AUH: variants seen among roughly 807,000 people sequenced by gnomAD.
AUH encodes methylglutaconyl-CoA hydratase, mitochondrial.
A neutral mutation model predicts 42.3 loss-of-function variants in AUH; 29 were observed. The observed-to-expected ratio is 0.69, with a 90% CI of 0.51 to 0.93. AUH has a LOEUF of 0.93. Among genes scored for constraint, AUH ranks in the 40% least tolerant of loss-of-function variants. The pLI, the probability that AUH is intolerant of heterozygous loss-of-function variation, is 0.00. For missense variants in AUH, 452 were observed against 438.1 expected (o/e 1.03, Z -0.28); for synonymous variants, 174 against 166.4 (o/e 1.05, Z -0.35).
chr9:91,236,839 G>A (rs1390885019), intron 6 of AUH, among the ~76,000 whole-genome samples: 2 of 152,096 alleles, frequency 1.3e-5, no homozygotes, highest in Non-Finnish European at 2.9e-5. Flanking sequence ...TTTGAATACT[G>A]AGAACCCATC....
chr9:91,355,866 A>G lies in AUH; in HGVS notation c.418+17T>C. The stretch of plus-strand genomic sequence containing the variant: ...TCAGACTACAGTTTAATTTCATAAT[A>G]CAACATATTTACATACCAGCACAGA... On this transcript the variant is annotated intron_variant, in intron 3 of 9. Transcript: ENST00000375731. 6.3e-7 allele frequency: 1 copy of G among 1,587,398 alleles called. No individual in the cohort carries two copies. Among genetic ancestry groups the G allele is most frequent in the Non-Finnish European group, 8.7e-7 (1 of 1,155,908 alleles).
At chr9:91,215,088 C>T (rs955323815) in intron 9 of AUH, among the ~76,000 whole-genome samples, 1 of 152,208 alleles carries the variant, frequency 6.6e-6, no homozygotes, top group Non-Finnish European at 1.5e-5. Flanking sequence ...CAGAGTCACA[C>T]TCTAGATACT....
intron 9 of AUH, among the ~76,000 whole-genome samples, chr9:91,215,406 T>C (rs1793188699): frequency 6.6e-6 from 1 of 152,120 alleles, no homozygotes; most frequent in Admixed American, 6.5e-5. Flanking sequence ...CTTTAAATCA[T>C]CTCTAGATTA....
intron 4 of AUH, among the ~76,000 whole-genome samples, chr9:91,310,817 A>T (rs1187499679): frequency 6.6e-6 from 1 of 152,234 alleles, no homozygotes; most frequent in Non-Finnish European, 1.5e-5. Flanking sequence ...TTATACAAAG[A>T]TAGTTAGGCT....
intron 6 of AUH, among the ~76,000 whole-genome samples, 178 bp from the exon 7 acceptor site, chr9:91,221,170 A>G (rs184742836): frequency 6.6e-5 from 10 of 152,364 alleles, no homozygotes; most frequent in East Asian, 3.9e-4. Context: ...TATAAAACTA[A>G]TAACACCAAA....
intron 6 of AUH, among the ~76,000 whole-genome samples, chr9:91,292,277 T>C (rs1197641578): frequency 6.7e-6 from 1 of 149,908 alleles, no homozygotes; most frequent in African/African-American, 2.4e-5. Flanking sequence ...AACCCTCTTT[T>C]TTTTTTTTTT....
intron 6 of AUH, among the ~76,000 whole-genome samples, chr9:91,234,894 A>G (rs1235806926): frequency 6.7e-6 from 1 of 149,710 alleles, no homozygotes; most frequent in Non-Finnish European, 1.5e-5. Context: ...GGCCTGCTTG[A>G]TAAAGGTGAG....
At chr9:91,232,427 T>G (rs1827940849) in intron 6 of AUH, among the ~76,000 whole-genome samples, 1 of 152,122 alleles carries the variant, frequency 6.6e-6, no homozygotes, top group Non-Finnish European at 1.5e-5. Flanking sequence ...AATATACAAT[T>G]ATTTGTCAGT....
At chr9:91,336,784 A>C (rs1200478930) in intron 3 of AUH, among the ~76,000 whole-genome samples, 2 of 152,126 alleles carry the variant, frequency 1.3e-5, no homozygotes, top group Non-Finnish European at 2.9e-5. Context: ...GCAGATCATC[A>C]TTACTATCAC....
intron 3 of AUH, among the ~76,000 whole-genome samples, chr9:91,351,478 A>C (rs1358854669): frequency 6.6e-6 from 1 of 152,222 alleles, no homozygotes; most frequent in Non-Finnish European, 1.5e-5. Context: ...AAGTCACTTA[A>C]AGAGAACATC....
At chr9:91,284,753 C>T (rs1826262513) in intron 6 of AUH, among the ~76,000 whole-genome samples, 2 of 152,200 alleles carry the variant, frequency 1.3e-5, no homozygotes, top group African/African-American at 4.8e-5. Flanking sequence ...ATCAAAACCA[C>T]AATGAGATAC....
intron 4 of AUH, among the ~76,000 whole-genome samples, chr9:91,303,707 G>C (rs773178229): frequency 2.0e-5 from 3 of 152,212 alleles, no homozygotes; most frequent in Non-Finnish European, 4.4e-5. Flanking sequence ...TCAAGGGAAA[G>C]GCCCTATGTA....
chr9:91,337,780 A>C (rs1830800713), intron 3 of AUH, among the ~76,000 whole-genome samples: 1 of 152,222 alleles, frequency 6.6e-6, no homozygotes, highest in Non-Finnish European at 1.5e-5. Context: ...AGAAATGATT[A>C]CAAATTGGTT....
intron 4 of AUH, among the ~76,000 whole-genome samples, chr9:91,315,636 T>C (rs1311678259): frequency 6.6e-6 from 1 of 152,218 alleles, no homozygotes; most frequent in African/African-American, 2.4e-5. Flanking sequence ...ATAAGAAATG[T>C]CCACAAGTTT....
At chr9:91,342,952 G>A (rs530300544) in intron 3 of AUH, 7 of 152,302 alleles carry the variant, frequency 4.6e-5, no homozygotes, top group African/African-American at 1.7e-4. Flanking sequence ...ACTTCCACTT[G>A]ATAGTAAATG....
At chr9:91,231,282 G>A (rs539600358) in intron 6 of AUH, among the ~76,000 whole-genome samples, 11 of 152,344 alleles carry the variant, frequency 7.2e-5, no homozygotes, top group African/African-American at 2.4e-4. Flanking sequence ...TCGGAAAAGC[G>A]CAGTATTCGG....
chr9:91,256,357 C>T (rs1829402860), intron 6 of AUH, among the ~76,000 whole-genome samples: 1 of 152,070 alleles, frequency 6.6e-6, no homozygotes, highest in South Asian at 2.1e-4. Flanking sequence ...AACCTGAGGG[C>T]AAAGACTATC....
rs776767438 is a variant in AUH at position 91,217,315 on chromosome 9, T to C, written c.856A>G (p.Met286Val). The C allele has an allele frequency of 5.6e-6, 9 of 1,613,760 alleles. No individual in the cohort carries two copies. The highest frequency in any genetic ancestry group is 7.6e-6 in the Non-Finnish European group (9 of 1,179,714). The change falls in exon 8 of 10, where the codon ATG (methionine) becomes GTG (valine). Residue 286 changes from methionine (M) to valine (V), a missense_variant. Met to Val is a conservative substitution (Grantham distance 21). Coordinates refer to ENST00000375731, the MANE Select transcript of AUH (RefSeq NM_001698.3). ...REFLPQGPVA[M>V]RVAKLAINQG... is the part of the protein sequence containing the mutation. ...TTAATTGCTAATTTTGCCACTCTCA[T>C]TGCAACAGGTCCCTAAAATTCAAAT...
chr9:91,314,880 T>C (rs1266011282), intron 4 of AUH, among the ~76,000 whole-genome samples: 1 of 152,238 alleles, frequency 6.6e-6, no homozygotes, highest in Non-Finnish European at 1.5e-5. Flanking sequence ...ACAGGGTGGT[T>C]CTGGCCCATC....
Sources: gnomAD v4.1 joint callset for allele counts (sites outside exome capture counted in the v4.1 genomes callset) on GRCh38, gnomAD v4.1.1 for gene constraint, MANE v1.5 for transcripts, NCBI Gene and HGNC (gene_info 2026-07-23, HGNC 2026-07-21) for gene names.